The following NALF1 variants were observed in gnomAD, a reference collection of about 807,000 sequenced individuals.
NALF1 encodes the protein family with sequence similarity 155 member A.
Under a neutral mutation model 48.4 loss-of-function variants are expected in NALF1, and 3 were observed. The observed-to-expected ratio is 0.06, with a 90% CI of 0.03 to 0.16. The LOEUF is 0.16. Among genes scored for constraint, NALF1 ranks in the 10% least tolerant of loss-of-function variants. NALF1 has a pLI of 1.00. For missense variants in NALF1, 526 were observed against 571.5 expected, an observed-to-expected ratio of 0.92 and a Z score of 0.81; for synonymous variants, 262 against 245.7, an observed-to-expected ratio of 1.07 and a Z score of -0.62.
At chr13:107,857,478 A>G (rs1302344521) in intron 1 of NALF1, among the ~76,000 whole-genome samples, 1 of 152,302 alleles carries the variant, frequency 6.6e-6, no homozygotes, top group South Asian at 2.1e-4. Flanking sequence ...GAGATGGAGG[A>G]TCACTACAAT....
intron 1 of NALF1, among the ~76,000 whole-genome samples, chr13:107,342,466 A>G (rs529577759): frequency 3.9e-5 from 6 of 152,290 alleles, no homozygotes; most frequent in African/African-American, 1.4e-4. Context: ...CCTTATTTCC[A>G]CAGCAATATA....
chr13:107,409,320 T>C (rs1883950761), intron 1 of NALF1, among the ~76,000 whole-genome samples: 1 of 152,198 alleles, frequency 6.6e-6, no homozygotes, highest in Non-Finnish European at 1.5e-5. Flanking sequence ...TCTTTGAGTT[T>C]GTGGTCTTGG....
At chr13:107,391,085 TG>T (rs1883619464) in intron 1 of NALF1, among the ~76,000 whole-genome samples, 1 of 152,130 alleles carries the variant, frequency 6.6e-6, no homozygotes, top group Non-Finnish European at 1.5e-5. Flanking sequence ...ACAGGATATT[TG>T]GGGATGTCAT....
chr13:107,631,040 T>C (rs1298231261), intron 1 of NALF1, among the ~76,000 whole-genome samples: 2 of 152,174 alleles, frequency 1.3e-5, no homozygotes, highest in Non-Finnish European at 2.9e-5. Flanking sequence ...AGGGTTTCCC[T>C]CTTTTGCCCA....
At chr13:107,806,504 T>C (rs1316167090) in intron 1 of NALF1, among the ~76,000 whole-genome samples, 1 of 152,168 alleles carries the variant, frequency 6.6e-6, no homozygotes, top group Non-Finnish European at 1.5e-5. Flanking sequence ...GAAAATATGA[T>C]GAGCTTTGAA....
At chr13:107,345,112 C>G (rs1386246432) in intron 1 of NALF1, among the ~76,000 whole-genome samples, 2 of 151,940 alleles carry the variant, frequency 1.3e-5, no homozygotes. Context: ...TACACACACA[C>G]AAGACTTGTA....
intron 1 of NALF1, among the ~76,000 whole-genome samples, chr13:107,560,303 G>T (rs1479368634): frequency 6.6e-6 from 1 of 152,014 alleles, no homozygotes; most frequent in Non-Finnish European, 1.5e-5. Flanking sequence ...TAGACTGGAT[G>T]GGACTAGGGG....
chr13:107,262,766 G>GGCGCGC (rs558852169), intron 1 of NALF1, among the ~76,000 whole-genome samples: 6 of 37,878 alleles, frequency 1.6e-4, no homozygotes, highest in South Asian at 3.2e-3. Flanking sequence ...ATAACCCACA[G>GGCGCGC]GCGCTCTCTC....
At chr13:107,575,296 G>A (rs1404641367) in intron 1 of NALF1, among the ~76,000 whole-genome samples, 2 of 152,150 alleles carry the variant, frequency 1.3e-5, no homozygotes, top group African/African-American at 4.8e-5. Context: ...CATTTGGTAG[G>A]ATCCACTCAA....
At chr13:107,624,645 T>C (rs760346938) in intron 1 of NALF1, among the ~76,000 whole-genome samples, 11 of 152,204 alleles carry the variant, frequency 7.2e-5, no homozygotes, top group Non-Finnish European at 1.5e-4. Flanking sequence ...TTTCAAATTT[T>C]TGCTGTGAAA....
chr13:107,217,349 C>T (rs1293220810), intron 1 of NALF1, among the ~76,000 whole-genome samples: 1 of 152,122 alleles, frequency 6.6e-6, no homozygotes, highest in African/African-American at 2.4e-5. Flanking sequence ...CCTCCTTCTC[C>T]ATCTTCATTT....
chr13:107,754,636 G>A (rs1245140390), intron 1 of NALF1, among the ~76,000 whole-genome samples: 2 of 152,082 alleles, frequency 1.3e-5, no homozygotes, highest in Non-Finnish European at 2.9e-5. Context: ...AAGAAAACCT[G>A]AATGAAAACC....
At chr13:107,235,732 T>C (rs980600094) in intron 1 of NALF1, among the ~76,000 whole-genome samples, 11 of 152,220 alleles carry the variant, frequency 7.2e-5, no homozygotes, top group African/African-American at 2.7e-4. Context: ...TGTCTGTCAT[T>C]TGTTTGCCTG....
intron 1 of NALF1, among the ~76,000 whole-genome samples, chr13:107,429,100 A>G (rs1019398855): frequency 2.0e-5 from 3 of 152,104 alleles, no homozygotes; most frequent in Non-Finnish European, 4.4e-5. Flanking sequence ...AGGTGGGTGG[A>G]TTACCTGAGG....
At chr13:107,271,373 G>A (rs766705048) in intron 1 of NALF1, among the ~76,000 whole-genome samples, 20 of 152,162 alleles carry the variant, frequency 1.3e-4, no homozygotes, top group Non-Finnish European at 2.2e-4. Context: ...TGAAGATGGA[G>A]GAGTCACAAG....
chr13:107,351,086 G>C (rs1426427862), intron 1 of NALF1, among the ~76,000 whole-genome samples: 1 of 152,162 alleles, frequency 6.6e-6, no homozygotes, highest in African/African-American at 2.4e-5. Flanking sequence ...TCAGTGGCCG[G>C]TAAACCTTCC....
At chr13:107,606,290 T>TTTGTG (rs2138428381) in intron 1 of NALF1, among the ~76,000 whole-genome samples, 1 of 90,144 alleles carries the variant, frequency 1.1e-5, no homozygotes, top group African/African-American at 3.9e-5. Context: ...ATGTGTGTGT[T>TTTGTG]TGTGTGTGTA....
At chr13:107,824,512 T>C (rs1238661197) in intron 1 of NALF1, among the ~76,000 whole-genome samples, 4 of 152,176 alleles carry the variant, frequency 2.6e-5, no homozygotes, top group Non-Finnish European at 4.4e-5. Flanking sequence ...GGGGAAATGG[T>C]CCTCAGATTG....
chr13:107,418,126 G>A (rs2139006470), intron 1 of NALF1, among the ~76,000 whole-genome samples: 1 of 152,208 alleles, frequency 6.6e-6, no homozygotes, highest in Middle Eastern at 3.4e-3. Context: ...TATTCACAGT[G>A]GTACTATTTG....
Sources: gnomAD v4.1 joint callset for allele counts (sites outside exome capture counted in the v4.1 genomes callset) on GRCh38, gnomAD v4.1.1 for gene constraint, MANE v1.5 for transcripts, NCBI Gene and HGNC (gene_info 2026-07-23, HGNC 2026-07-21) for gene names.